Variants in MACO1 observed in about 807,000 individuals in gnomAD.
MACO1 encodes the protein macoilin.
Under a neutral mutation model 78.7 loss-of-function variants are expected in MACO1, and 14 were observed. The observed-to-expected ratio is 0.18, with a 90% CI of 0.12 to 0.28. The LOEUF (loss-of-function observed/expected upper bound fraction) is 0.28, where lower values mean the gene tolerates loss of function less well. Among genes scored for constraint, MACO1 ranks in the 10% least tolerant of loss-of-function variants. The pLI, the probability that MACO1 is intolerant of heterozygous loss-of-function variation, is 1.00. For synonymous variants in MACO1, 288 were observed against 291.6 expected, an observed-to-expected ratio of 0.99 and a Z score of 0.12; for missense variants, 501 against 799.0, an observed-to-expected ratio of 0.63 and a Z score of 4.50.
At chr1:25,471,381 A>G (rs2043269824) in intron 6 of MACO1, among the ~76,000 whole-genome samples, 1 of 152,102 alleles carries the variant, frequency 6.6e-6, no homozygotes, top group Non-Finnish European at 1.5e-5. Flanking sequence ...ATGGGTAGAT[A>G]TATTTCTCAT....
intron 8 of MACO1, among the ~76,000 whole-genome samples, chr1:25,486,410 T>C (rs371314657): frequency 2.2e-4 from 33 of 152,326 alleles, no homozygotes; most frequent in African/African-American, 7.9e-4. Context: ...CCAAAAACTA[T>C]TAGATAGTTA....
At chr1:25,474,296 G>C (rs2124599986) in intron 6 of MACO1, among the ~76,000 whole-genome samples, 1 of 152,212 alleles carries the variant, frequency 6.6e-6, no homozygotes, top group Non-Finnish European at 1.5e-5. Context: ...ACATGTTTAT[G>C]GGCTATATTG....
chr1:25,438,573 G>A (rs2042940170), intron 1 of MACO1, among the ~76,000 whole-genome samples: 1 of 152,204 alleles, frequency 6.6e-6, no homozygotes, highest in Admixed American at 6.5e-5. Flanking sequence ...GGAACTCTAT[G>A]TTGCTGCTAA....
At position 25,458,866 on chromosome 1, in the gene MACO1, G is replaced by T; in HGVS notation, c.1128G>T (p.Gln376His). The T allele has an allele frequency of 6.2e-7, 1 of 1,613,670 alleles. No homozygotes were observed. The highest frequency in any genetic ancestry group is 1.1e-5 in the South Asian group (1 of 91,028). The stretch of plus-strand genomic sequence containing the variant: ...TGGAAAACTGTATTCCTAATAACCA[G>T]CTAAGCAAACCAGACGCACTGGTCA... ...DLMENCIPNN[Q>H]LSKPDALVRL... The change falls in exon 6 of 11, where the codon CAG becomes CAT. Residue 376 changes from glutamine to histidine, a missense_variant. This residue lies in a region of MACO1 where 163 missense variants were observed against 271.9 expected (regional missense o/e 0.60). Transcript: ENST00000374343.
intron 4 of MACO1, among the ~76,000 whole-genome samples, chr1:25,455,845 T>A (rs973692068): frequency 6.6e-6 from 1 of 152,194 alleles, no homozygotes; most frequent in Admixed American, 6.5e-5. Flanking sequence ...AAGATTAAAT[T>A]AGTCACCTGA....
At position 25,448,789 on chromosome 1, in the gene MACO1, G is replaced by T. The variant is rs542697663; in HGVS notation, c.223-19G>T. The T allele has an allele frequency of 6.6e-7, 1 of 1,505,986 alleles. No homozygotes were observed. Among genetic ancestry groups the T allele is most frequent in the South Asian group, 1.4e-5 (1 of 72,260 alleles). The allele number at this position is 1,505,986 out of a possible 1,614,324, so 93.3% of individuals were successfully genotyped here. A position where few individuals can be genotyped will look rare whatever the true frequency, so the allele number is the denominator to read the frequency against. ...GGTTCTAAGATGTATCTTTTATTTT[G>T]TTTTATTTTTCCCTTTAGGCCTTCT... On this transcript the variant is annotated intron_variant, in intron 2 of 10. Coordinates refer to ENST00000374343, the MANE Select transcript of MACO1 (RefSeq NM_018202.6).
intron 4 of MACO1, among the ~76,000 whole-genome samples, chr1:25,455,566 T>C (rs912391112): frequency 8.5e-5 from 13 of 152,240 alleles, no homozygotes; most frequent in South Asian, 4.1e-4. Context: ...GTGAAACTTA[T>C]ATGGGCTTGA....
chr1:25,478,582 G>A (rs913539049), intron 6 of MACO1, among the ~76,000 whole-genome samples: 1 of 152,218 alleles, frequency 6.6e-6, no homozygotes, highest in Non-Finnish European at 1.5e-5. Context: ...ACCTGAGAAA[G>A]TGCTGCTGTA....
chr1:25,480,926 AAAAATATAT>A (rs2043367449), intron 6 of MACO1, among the ~76,000 whole-genome samples: 1 of 34,804 alleles, frequency 2.9e-5, no homozygotes, highest in African/African-American at 9.7e-5. Flanking sequence ...AAAAAAAAAA[AAAAATATAT>A]ATATATATAT....
intron 1 of MACO1, among the ~76,000 whole-genome samples, chr1:25,433,993 T>C (rs1335446090): frequency 6.6e-6 from 1 of 152,218 alleles, no homozygotes; most frequent in African/African-American, 2.4e-5. Context: ...AAAATCCTGT[T>C]GTGGACTCAC....
At chr1:25,435,964 T>A (rs1457042560) in intron 1 of MACO1, among the ~76,000 whole-genome samples, 1 of 152,190 alleles carries the variant, frequency 6.6e-6, no homozygotes, top group East Asian at 1.9e-4. Context: ...CATTAGGTGT[T>A]TTGAAAATCC....
chr1:25,473,387 T>C (rs1000027457), intron 6 of MACO1, among the ~76,000 whole-genome samples: 11 of 152,292 alleles, frequency 7.2e-5, no homozygotes, highest in Middle Eastern at 3.4e-3. Flanking sequence ...ACCGAATGTC[T>C]CCATATCTAA....
intron 1 of MACO1, among the ~76,000 whole-genome samples, chr1:25,440,749 C>G (rs1248982410): frequency 3.8e-5 from 5 of 130,382 alleles, no homozygotes; most frequent in Non-Finnish European, 7.8e-5. Context: ...GCCTGGGCGA[C>G]AGAGTGAGAC....
intron 1 of MACO1, among the ~76,000 whole-genome samples, chr1:25,440,156 G>T (rs939791793): frequency 6.6e-6 from 1 of 150,858 alleles, no homozygotes; most frequent in Non-Finnish European, 1.5e-5. Flanking sequence ...GGGAGGTCAA[G>T]GTAGGAGGAT....
In MACO1 at chr1:25,430,950, C is replaced by G. The variant is rs1209539027; in HGVS notation, c.-149C>G. The stretch of plus-strand genomic sequence containing the variant: ...AGGCTCCGAGCCCCCCCTCCCCGTG[C>G]TACCCCCTCCCCCCGGGTGCTGGCT... On this transcript the variant is annotated 5_prime_UTR_variant, in exon 1 of 11. Transcript: ENST00000374343. 3.6e-5 allele frequency: 11 copies of G among 304,570 alleles called. No homozygotes were observed. Among genetic ancestry groups the G allele is most frequent in the Non-Finnish European group, 5.0e-5 (8 of 159,678 alleles). 18.9% of individuals were successfully genotyped at this position (304,570 alleles called of 1,614,324 possible).
At chr1:25,441,181 A>G (rs1418538213) in intron 1 of MACO1, among the ~76,000 whole-genome samples, 1 of 151,842 alleles carries the variant, frequency 6.6e-6, no homozygotes, top group African/African-American at 2.4e-5. Context: ...TACATTACAG[A>G]TCATTCATTC....
chr1:25,469,499 C>T (rs568131609), intron 6 of MACO1, among the ~76,000 whole-genome samples: 1 of 152,154 alleles, frequency 6.6e-6, no homozygotes, highest in Non-Finnish European at 1.5e-5. Flanking sequence ...GATCAGCTTT[C>T]CTCTGTGACT....
At position 25,484,134 on chromosome 1, in the gene MACO1, A is replaced by T. The variant is rs374511017; in HGVS notation, c.1173A>T (p.Lys391Asn). The T allele has an allele frequency of 6.2e-7, 1 of 1,611,968 alleles. No individual in the cohort carries two copies. The highest frequency in any genetic ancestry group is 8.5e-7 in the Non-Finnish European group (1 of 1,179,412). Reference sequence around the variant, plus strand: ...CTCCTAGGCTGGAACAAGACATTAAAAAGTTAAAGGCTGACCTGCAAGCCA... The same window carrying T: ...CTCCTAGGCTGGAACAAGACATTAATAAGTTAAAGGCTGACCTGCAAGCCA... ...DALVRLEQDIKKLKADLQASR... is the reference protein window; with the variant it reads ...DALVRLEQDINKLKADLQASR... The change falls in exon 7 of 11, where the codon AAA (lysine) becomes AAT (asparagine). Residue 391 changes from lysine to asparagine, a missense_variant. By Grantham distance (94) the Lys-to-Asn change is moderately conservative. This residue lies in a region of MACO1 where 163 missense variants were observed against 271.9 expected (regional missense o/e 0.60). Coordinates refer to ENST00000374343, the MANE Select transcript of MACO1 (RefSeq NM_018202.6).
chr1:25,480,357 C>T (rs1258139628), intron 6 of MACO1, among the ~76,000 whole-genome samples: 2 of 152,172 alleles, frequency 1.3e-5, no homozygotes, highest in African/African-American at 4.8e-5. Flanking sequence ...GAAAATAATT[C>T]ACAATTTGGA....
Sources: allele counts gnomAD v4.1 joint callset (sites outside exome capture counted in the v4.1 genomes callset), GRCh38; gene constraint gnomAD v4.1.1; regional missense constraint gnomAD v4.1.1; transcripts MANE v1.5; gene names NCBI Gene and HGNC (gene_info 2026-07-23, HGNC 2026-07-21).